The following NXPH1 variants were observed in gnomAD, a reference collection of about 807,000 sequenced individuals.
NXPH1 encodes the protein neurexophilin 1.
Under a neutral mutation model 23.7 loss-of-function variants are expected in NXPH1, and 5 were observed. The observed-to-expected ratio is 0.21, with a 90% confidence interval of 0.11 to 0.44. The LOEUF (loss-of-function observed/expected upper bound fraction) is 0.44. NXPH1 is among the 20% of genes least tolerant of loss of function. NXPH1 has a pLI of 0.99. For missense variants in NXPH1, 324 were observed against 321.6 expected (o/e 1.01, Z -0.06); for synonymous variants, 144 against 122.2 (o/e 1.18, Z -1.18).
At chr7:8,695,184 T>A (rs928689469) in intron 2 of NXPH1, among the ~76,000 whole-genome samples, 3 of 152,236 alleles carry the variant, frequency 2.0e-5, no homozygotes, top group Admixed American at 6.5e-5. Context: ...TACATTGTGC[T>A]GTAATAATAT....
At chr7:8,691,397 C>T (rs1379725538) in intron 2 of NXPH1, among the ~76,000 whole-genome samples, 2 of 152,162 alleles carry the variant, frequency 1.3e-5, no homozygotes, top group South Asian at 2.1e-4. Context: ...GACCCGCTCT[C>T]CTCAGCCTCC....
chr7:8,569,779 A>G (rs761639607), intron 2 of NXPH1, among the ~76,000 whole-genome samples: 1 of 151,842 alleles, frequency 6.6e-6, no homozygotes, highest in Non-Finnish European at 1.5e-5. Context: ...AGAAAAAATG[A>G]TATTCTGTAG....
At chr7:8,530,208 A>T (rs184578967) in intron 2 of NXPH1, among the ~76,000 whole-genome samples, 1 of 152,286 alleles carries the variant, frequency 6.6e-6, no homozygotes, top group East Asian at 1.9e-4. Context: ...AAGGGGTATG[A>T]GTTGTGAGAT....
rs2115237296 is a variant in NXPH1, at chr7:8,752,022, TAC to T, written c.*257_*258del. ...GAAGACATGCTCTCACATATAGAGG[TAC>T]ACAAACACACCGTCATGCACATTTC... is the stretch of plus-strand genomic sequence containing the variant. On this transcript the variant is annotated 3_prime_UTR_variant, in exon 3 of 3. Coordinates refer to ENST00000405863, the MANE Select transcript of NXPH1 (RefSeq NM_152745.3). 4.6e-6 allele frequency: 2 copies of T among 430,260 alleles called. No individual in the cohort carries two copies. The highest frequency in any genetic ancestry group is 7.2e-5 in the East Asian group (2 of 27,824). 26.7% of individuals were successfully genotyped at this position (430,260 alleles called of 1,614,324 possible).
chr7:8,574,687 G>T (rs113198102), intron 2 of NXPH1, among the ~76,000 whole-genome samples: 2,244 of 152,206 alleles, frequency 0.015, 63 homozygotes, highest in African/African-American at 0.051. Context: ...AAACATTGAA[G>T]GTTCTGTGTT....
intron 2 of NXPH1, among the ~76,000 whole-genome samples, chr7:8,617,977 T>C (rs1194345602): frequency 6.6e-6 from 1 of 152,114 alleles, no homozygotes; most frequent in Non-Finnish European, 1.5e-5. Flanking sequence ...ACATCTCATG[T>C]AACCCAAAAT....
At chr7:8,728,985 G>A (rs1227400751) in intron 2 of NXPH1, among the ~76,000 whole-genome samples, 13 of 149,260 alleles carry the variant, frequency 8.7e-5, no homozygotes, top group Admixed American at 8.0e-4. Context: ...CTTTTTGGTT[G>A]GTAAGCTATT....
At chr7:8,629,208 A>G (rs1163239936) in intron 2 of NXPH1, among the ~76,000 whole-genome samples, 5 of 152,148 alleles carry the variant, frequency 3.3e-5, no homozygotes, top group Non-Finnish European at 7.3e-5. Flanking sequence ...TAAAAAATCC[A>G]ATATGTAAAC....
chr7:8,667,578 A>G (rs2115166999), intron 2 of NXPH1, among the ~76,000 whole-genome samples: 1 of 151,580 alleles, frequency 6.6e-6, no homozygotes, highest in South Asian at 2.1e-4. Flanking sequence ...ACTCTCATAT[A>G]TGTGATTTGC....
At chr7:8,511,821 A>C (rs1817616863) in intron 2 of NXPH1, among the ~76,000 whole-genome samples, 1 of 152,140 alleles carries the variant, frequency 6.6e-6, no homozygotes, top group Non-Finnish European at 1.5e-5. Context: ...GCACAATTTC[A>C]GTCCTGGTGC....
At chr7:8,742,926 G>T (rs1240881534) in intron 2 of NXPH1, among the ~76,000 whole-genome samples, 1 of 152,136 alleles carries the variant, frequency 6.6e-6, no homozygotes, top group African/African-American at 2.4e-5. Flanking sequence ...GTAAGCTGAA[G>T]ACTTTGCTAT....
At position 8,726,452 on chromosome 7, in the gene NXPH1, A is replaced by G. The variant is rs1468568498; in HGVS notation, c.55-24556A>G. Among the ~76,000 whole-genome samples, 3 of 150,350 alleles carry G rather than the reference A, an allele frequency of 2.0e-5. No homozygotes were observed. The East Asian group carries it at 5.9e-4, about 30-fold the overall frequency. ...TGCACCCACTAACTCGTCATCTAGC[A>G]TTAGGTATATCTCCCAATGCCGTCC... On this transcript the variant is annotated intron_variant, in intron 2 of 2. Coordinates refer to ENST00000405863, the MANE Select transcript of NXPH1 (RefSeq NM_152745.3).
At chr7:8,500,611 G>A (rs1180003876) in intron 2 of NXPH1, among the ~76,000 whole-genome samples, 1 of 152,074 alleles carries the variant, frequency 6.6e-6, no homozygotes, top group Non-Finnish European at 1.5e-5. Context: ...GAAGGGCACA[G>A]TATTATCTAG....
chr7:8,662,011 TAAAC>T (rs1262944966), intron 2 of NXPH1, among the ~76,000 whole-genome samples: 27 of 152,150 alleles, frequency 1.8e-4, no homozygotes, highest in Middle Eastern at 3.4e-3. Flanking sequence ...TTTTGTAAAT[TAAAC>T]AAAATATATC....
chr7:8,732,917 G>A (rs922263713), intron 2 of NXPH1, among the ~76,000 whole-genome samples: 1 of 152,010 alleles, frequency 6.6e-6, no homozygotes, highest in Non-Finnish European at 1.5e-5. Context: ...TGGGATACAT[G>A]TGCAGAGCAT....
chr7:8,471,850 C>T (rs1037965947), intron 2 of NXPH1, among the ~76,000 whole-genome samples: 2 of 151,912 alleles, frequency 1.3e-5, no homozygotes, highest in Admixed American at 6.6e-5. Flanking sequence ...TTTAAAATAA[C>T]AAGTTACAAA....
At chr7:8,477,697 G>A (rs930666035) in intron 2 of NXPH1, among the ~76,000 whole-genome samples, 1 of 152,116 alleles carries the variant, frequency 6.6e-6, no homozygotes, top group African/African-American at 2.4e-5. Context: ...ATGGTGCTGG[G>A]GGAGGATGGC....
chr7:8,609,240 T>A (rs1182266343), intron 2 of NXPH1, among the ~76,000 whole-genome samples: 2 of 152,162 alleles, frequency 1.3e-5, no homozygotes, highest in African/African-American at 4.8e-5. Flanking sequence ...GCTCAATACA[T>A]GTAAGCAAAT....
At position 8,684,952 on chromosome 7, in the gene NXPH1, C is replaced by G. The variant is rs192639734; in HGVS notation, c.55-66056C>G. Among the ~76,000 whole-genome samples the G allele has an allele frequency of 1.2e-4, 18 of 152,236 alleles. No individual in the cohort carries two copies. The East Asian group carries it at 2.7e-3, about 23-fold the overall frequency. On this transcript the variant is annotated intron_variant, in intron 2 of 2. Transcript: ENST00000405863. ...ATGTGTTTTAAAAGGCTCAAATTCG[C>G]CATGTTGCACTGTATAACTACATTA...
Sources: allele counts gnomAD v4.1 joint callset (sites outside exome capture counted in the v4.1 genomes callset), GRCh38; gene constraint gnomAD v4.1.1; transcripts MANE v1.5; gene names NCBI Gene and HGNC (gene_info 2026-07-23, HGNC 2026-07-21).